The following ADIPOR2 variants were observed in gnomAD, a reference collection of about 807,000 sequenced individuals.
ADIPOR2 encodes adiponectin receptor 2.
In ADIPOR2, 18 loss-of-function variants were observed where a neutral mutation model predicts 40.9. The observed-to-expected ratio is 0.44, with a 90% CI of 0.30 to 0.65. The LOEUF is 0.65. ADIPOR2 is among the 30% of genes least tolerant of loss of function. The pLI, the probability that ADIPOR2 is intolerant of heterozygous loss-of-function variation, is 0.09. For missense variants in ADIPOR2, 283 were observed against 479.2 expected (o/e 0.59, Z 3.82); for synonymous variants, 165 against 166.4 (o/e 0.99, Z 0.06).
chr12:1,716,706 AT>A (rs2094688327), intron 1 of ADIPOR2, among the ~76,000 whole-genome samples: 1 of 152,098 alleles, frequency 6.6e-6, no homozygotes, highest in Non-Finnish European at 1.5e-5. Flanking sequence ...CCTGAATTAC[AT>A]TTTCGGTATT....
rs1273645021 is a variant in ADIPOR2, at chr12:1,785,885, T to C, written c.1033-59T>C. 2.5e-6 allele frequency: 4 copies of C among 1,590,164 alleles called. No homozygotes were observed. In the South Asian group the frequency reaches 3.4e-5, roughly 13 times the overall value. On this transcript the variant is annotated intron_variant, in intron 7 of 7. Coordinates refer to ENST00000357103, the MANE Select transcript of ADIPOR2 (RefSeq NM_024551.3). Reference sequence around the variant, plus strand: ...AGGATTAAACGATCCTAAGAATCTTTAGCAGTCTTAATAATGTATGGGTTT... The same window carrying C: ...AGGATTAAACGATCCTAAGAATCTTCAGCAGTCTTAATAATGTATGGGTTT...
intron 1 of ADIPOR2, among the ~76,000 whole-genome samples, chr12:1,720,440 A>G (rs1486319510): frequency 6.6e-6 from 1 of 152,180 alleles, no homozygotes; most frequent in Non-Finnish European, 1.5e-5. Flanking sequence ...ATAATGAAAT[A>G]ATTATATAAC....
At chr12:1,715,927 G>A (rs11061944) in intron 1 of ADIPOR2, among the ~76,000 whole-genome samples, 6,823 of 152,116 alleles carry the variant, frequency 0.045, 262 homozygotes, top group East Asian at 0.18. Flanking sequence ...GACAAATAAG[G>A]GAATAAAAGC....
chr12:1,779,082 A>C (rs11061980), intron 4 of ADIPOR2, among the ~76,000 whole-genome samples: 2,929 of 152,310 alleles, frequency 0.019, 61 homozygotes, highest in East Asian at 0.077. Context: ...ATACGTTGCC[A>C]GTAGGAATGT....
intron 2 of ADIPOR2, among the ~76,000 whole-genome samples, chr12:1,756,129 A>G (rs956454966): frequency 6.6e-6 from 1 of 150,942 alleles, no homozygotes; most frequent in African/African-American, 2.4e-5. Context: ...CTCTTCTTTC[A>G]TCTTCTCCTT....
chr12:1,777,746 T>C, intron 3 of ADIPOR2, 108 bp from the exon 4 acceptor site: 1 of 1,052,622 alleles, frequency 9.5e-7, no homozygotes, highest in Non-Finnish European at 1.4e-6. Context: ...TAAAAATGAA[T>C]TGTTTTTCCC....
intron 1 of ADIPOR2, among the ~76,000 whole-genome samples, chr12:1,747,123 T>A (rs866307658): frequency 6.9e-6 from 1 of 144,186 alleles, no homozygotes; most frequent in Non-Finnish European, 1.5e-5. Context: ...TGTAAACCAG[T>A]TGGGCCTAAT....
intron 1 of ADIPOR2, among the ~76,000 whole-genome samples, chr12:1,719,696 G>A (rs61912272): frequency 1.3e-5 from 2 of 148,562 alleles, no homozygotes; most frequent in Non-Finnish European, 3.0e-5. Context: ...TTTTTTTTTG[G>A]AGATAGTCTT....
chr12:1,730,133 A>C (rs1429977912), intron 1 of ADIPOR2, among the ~76,000 whole-genome samples: 1 of 152,142 alleles, frequency 6.6e-6, no homozygotes, highest in African/African-American at 2.4e-5. Flanking sequence ...TAATTTGGTT[A>C]GCTGGGGGAA....
At chr12:1,754,696 TTATTACTACTACTAC>T (rs1293377211) in intron 2 of ADIPOR2, among the ~76,000 whole-genome samples, 182 bp downstream of exon 2, 34 of 60,200 alleles carry the variant, frequency 5.6e-4, no homozygotes, top group East Asian at 3.5e-3. Flanking sequence ...TTTATTATTA[TTATTACTACTACTAC>T]TACTACTACT....
At position 1,786,350 on chromosome 12, in the gene ADIPOR2, A is replaced by C; in HGVS notation, c.*278A>C. 2.8e-6 allele frequency: 1 copy of C among 354,186 alleles called. No individual in the cohort carries two copies. The highest frequency in any genetic ancestry group is 5.1e-6 in the Non-Finnish European group (1 of 195,718). 21.9% of individuals were successfully genotyped at this position (354,186 alleles called of 1,614,324 possible). ...ATCTACTGATTGCGGGCTCTGCAAG[A>C]CCCTTGGCAAACTGGCTTCTGATCC... On this transcript the variant is annotated 3_prime_UTR_variant, in exon 8 of 8. Transcript: ENST00000357103.
intron 1 of ADIPOR2, among the ~76,000 whole-genome samples, chr12:1,691,913 C>G (rs566341076): frequency 6.6e-6 from 1 of 152,134 alleles, no homozygotes; most frequent in East Asian, 1.9e-4. Context: ...ATAAGATGGT[C>G]CAAAAGTGAA....
intron 1 of ADIPOR2, among the ~76,000 whole-genome samples, chr12:1,751,333 A>G (rs922798493): frequency 2.0e-5 from 3 of 152,154 alleles, no homozygotes; most frequent in East Asian, 3.9e-4. Context: ...CAATTTAGAA[A>G]ACAGTATTGA....
chr12:1,780,625 G>A lies in ADIPOR2; in HGVS notation c.638G>A (p.Arg213Gln), dbSNP rs1862695550. 6.3e-7 allele frequency: 1 copy of A among 1,592,232 alleles called. No homozygotes were observed. The highest frequency in any genetic ancestry group is 8.5e-7 in the Non-Finnish European group (1 of 1,172,948). ...TVYCHSEGVSRLFSKLDYSGI... is the reference protein window; with the variant it reads ...TVYCHSEGVSQLFSKLDYSGI... ...TACTGCCACTCAGAGGGGGTCTCTCGGCTCTTCTCTAAGTAAGTATCTGTA... is the reference window on the plus strand; with the variant it reads ...TACTGCCACTCAGAGGGGGTCTCTCAGCTCTTCTCTAAGTAAGTATCTGTA... The change falls in exon 5 of 8, where the codon CGG becomes CAG. Residue 213 changes from arginine to glutamine, a missense_variant. Arg to Gln is a conservative substitution (Grantham distance 43). Transcript: ENST00000357103.
intron 2 of ADIPOR2, chr12:1,760,773 T>C (rs953720255): frequency 2.0e-5 from 3 of 152,288 alleles, no homozygotes; most frequent in Admixed American, 2.0e-4. Flanking sequence ...GATCTGAAAA[T>C]ATTAAATGGA....
chr12:1,710,926 C>T (rs910778730), intron 1 of ADIPOR2, among the ~76,000 whole-genome samples: 1 of 151,982 alleles, frequency 6.6e-6, no homozygotes, highest in Non-Finnish European at 1.5e-5. Context: ...GGCCTGAAGG[C>T]GAGTAATAGC....
intron 2 of ADIPOR2, among the ~76,000 whole-genome samples, chr12:1,766,092 G>A (rs1862373921): frequency 6.6e-6 from 1 of 152,164 alleles, no homozygotes; most frequent in South Asian, 2.1e-4. Flanking sequence ...AGTTTAGTTG[G>A]AGAGACAGGT....
intron 2 of ADIPOR2, chr12:1,758,107 T>A: frequency 1.8e-6 from 1 of 553,442 alleles, no homozygotes; most frequent in Non-Finnish European, 3.2e-6. Flanking sequence ...TTGATTTTTT[T>A]ATGTGTTGTA....
chr12:1,779,610 G>A (rs1008588884), intron 4 of ADIPOR2, among the ~76,000 whole-genome samples: 1 of 152,146 alleles, frequency 6.6e-6, no homozygotes, highest in African/African-American at 2.4e-5. Context: ...ACAACCTTGT[G>A]AATATACTAG....
Sources: allele counts gnomAD v4.1 joint callset (sites outside exome capture counted in the v4.1 genomes callset), GRCh38; gene constraint gnomAD v4.1.1; transcripts MANE v1.5; gene names NCBI Gene and HGNC (gene_info 2026-07-23, HGNC 2026-07-21).